Variants in EPC1 observed in about 807,000 individuals in gnomAD.
EPC1 encodes the protein enhancer of polycomb 1.
In EPC1, 12 loss-of-function variants were observed where a neutral mutation model predicts 98.4. The ratio of observed to expected loss-of-function variants is 0.12; its 90% confidence interval spans 0.08 to 0.20. EPC1 has a LOEUF of 0.20. Among genes scored for constraint, EPC1 ranks in the 10% least tolerant of loss-of-function variants. The pLI, the probability that EPC1 is intolerant of heterozygous loss-of-function variation, is 1.00. For synonymous variants in EPC1, 357 were observed against 363.9 expected, an observed-to-expected ratio of 0.98 and a Z score of 0.21; for missense variants, 729 against 990.5, an observed-to-expected ratio of 0.74 and a Z score of 3.54.
chr10:32,337,144 T>C (rs1354600951), intron 1 of EPC1, among the ~76,000 whole-genome samples: 1 of 152,226 alleles, frequency 6.6e-6, no homozygotes, highest in Non-Finnish European at 1.5e-5. Context: ...GAAATTTAGT[T>C]TGATTCTTTT....
upstream of EPC1, among the ~76,000 whole-genome samples, chr10:32,348,606 C>T (rs943911938): frequency 6.6e-6 from 1 of 152,198 alleles, no homozygotes; most frequent in Non-Finnish European, 1.5e-5. Context: ...CCGATATTGG[C>T]AGCTCACTTA....
chr10:32,291,942 A>T (rs544098291), intron 5 of EPC1: 2 of 152,322 alleles, frequency 1.3e-5, no homozygotes, highest in South Asian at 4.1e-4. Flanking sequence ...GTTGAAAGTA[A>T]TGCCTAAAAT....
At chr10:32,376,905 C>G (rs1213763363) in intron 1 of EPC1, among the ~76,000 whole-genome samples, 1 of 152,022 alleles carries the variant, frequency 6.6e-6, no homozygotes, top group Admixed American at 6.5e-5. Context: ...ACTGATTCGT[C>G]CCACTTTCTT....
intron 1 of EPC1, among the ~76,000 whole-genome samples, chr10:32,343,014 AAAGTT>A (rs1380184251): frequency 1.3e-5 from 2 of 152,224 alleles, no homozygotes; most frequent in African/African-American, 2.4e-5. Flanking sequence ...TTATAATCTT[AAAGTT>A]AACATTGTAA....
In EPC1 at chr10:32,304,913, C is replaced by T. The variant is rs568173466; in HGVS notation, c.313+859G>A. Among the ~76,000 whole-genome samples the T allele has an allele frequency of 1.0e-3, 114 of 109,786 alleles. 2 individuals are homozygous for T. Among genetic ancestry groups the T allele is most frequent in the Admixed American group, 3.5e-3 (35 of 10,056 alleles). The allele number at this position is 109,786 out of a possible 152,430, so 72.0% of individuals were successfully genotyped here. ...TAGCCTGGGCAACAGAGTGAAACTCCGTCTTAAAAAAAAAAAAAAAAAAGA... is the reference window on the plus strand; with the variant it reads ...TAGCCTGGGCAACAGAGTGAAACTCTGTCTTAAAAAAAAAAAAAAAAAAGA... On this transcript the variant is annotated intron_variant, in intron 2 of 13. Transcript: ENST00000319778.
intron 2 of EPC1, among the ~76,000 whole-genome samples, chr10:32,295,188 C>T (rs554844194): frequency 2.0e-5 from 3 of 152,146 alleles, no homozygotes; most frequent in Non-Finnish European, 2.9e-5. Flanking sequence ...ACTTCTGTAC[C>T]GCTAAGTGGA....
chr10:32,366,530 C>A (rs1486484740), intron 1 of EPC1, among the ~76,000 whole-genome samples: 1 of 151,966 alleles, frequency 6.6e-6, no homozygotes, highest in Non-Finnish European at 1.5e-5. Flanking sequence ...CAGCTTAAGC[C>A]CCAAATTTAT....
chr10:32,339,567 C>G (rs1024492175), intron 1 of EPC1, among the ~76,000 whole-genome samples: 1 of 152,060 alleles, frequency 6.6e-6, no homozygotes, highest in Non-Finnish European at 1.5e-5. Flanking sequence ...ATAATAACAA[C>G]CTAAGTTAAA....
chr10:32,274,079 C>G (rs1201349236), intron 10 of EPC1: 1 of 151,686 alleles, frequency 6.6e-6, no homozygotes, highest in Non-Finnish European at 1.5e-5. Flanking sequence ...TATTACCCCC[C>G]CAAAAAAGTG....
At chr10:32,378,634 A>T in exon 1 of EPC1, 1 of 585,412 alleles carries the variant, frequency 1.7e-6, no homozygotes, top group Non-Finnish European at 2.9e-6. Flanking sequence ...ATAAAAAGTA[A>T]TACTTTCTTC....
intron 2 of EPC1, among the ~76,000 whole-genome samples, chr10:32,303,765 C>T (rs576022046): frequency 6.6e-6 from 1 of 152,346 alleles, no homozygotes; most frequent in Admixed American, 6.5e-5. Flanking sequence ...CACACAACTA[C>T]AAACACACAC....
At chr10:32,291,120 C>T (rs1474023749) in intron 6 of EPC1, 43 bp downstream of exon 6, 1 of 1,535,696 alleles carries the variant, frequency 6.5e-7, no homozygotes. Flanking sequence ...TGATAAAATA[C>T]CATCCCATTA....
At chr10:32,347,310 G>C, upstream of EPC1, 1 of 609,056 alleles carries the variant, frequency 1.6e-6, no homozygotes, top group Non-Finnish European at 2.1e-6. Flanking sequence ...CGCTTCCCGC[G>C]CCTCGCTGCT....
At chr10:32,300,933 C>A (rs1231372682) in intron 2 of EPC1, among the ~76,000 whole-genome samples, 1 of 152,088 alleles carries the variant, frequency 6.6e-6, no homozygotes, top group Non-Finnish European at 1.5e-5. Flanking sequence ...GCCATTTCTC[C>A]AAGGCTTCCT....
intron 1 of EPC1, among the ~76,000 whole-genome samples, chr10:32,308,120 C>G (rs1835981729): frequency 1.3e-5 from 2 of 152,204 alleles, no homozygotes; most frequent in Non-Finnish European, 2.9e-5. Context: ...GACGTGGTGG[C>G]TCATGCCTGT....
intron 1 of EPC1, among the ~76,000 whole-genome samples, chr10:32,311,682 C>A (rs866962097): frequency 1.6e-4 from 25 of 152,298 alleles, no homozygotes; most frequent in Admixed American, 2.6e-4. Context: ...CACTATTGAA[C>A]CCTGTGTATG....
At chr10:32,289,348 A>G (rs1418372619) in intron 6 of EPC1, among the ~76,000 whole-genome samples, 4 of 100,958 alleles carry the variant, frequency 4.0e-5, no homozygotes, top group Admixed American at 1.1e-4. Context: ...ACAAAGTGGG[A>G]AAAAAAAAAG....
At chr10:32,303,187 C>T (rs1260613963) in intron 2 of EPC1, among the ~76,000 whole-genome samples, 1 of 152,106 alleles carries the variant, frequency 6.6e-6, no homozygotes, top group Non-Finnish European at 1.5e-5. Flanking sequence ...CCTGTAATCC[C>T]AACTACTCGG....
intron 1 of EPC1, among the ~76,000 whole-genome samples, chr10:32,308,432 A>G (rs1254461440): frequency 6.6e-6 from 1 of 152,002 alleles, no homozygotes; most frequent in Non-Finnish European, 1.5e-5. Flanking sequence ...AGTTGGTCAG[A>G]AAATGAATAC....
Sources: allele counts gnomAD v4.1 joint callset (sites outside exome capture counted in the v4.1 genomes callset), GRCh38; gene constraint gnomAD v4.1.1; transcripts MANE v1.5; gene names NCBI Gene and HGNC (gene_info 2026-07-23, HGNC 2026-07-21).